ESRRB: variants seen among roughly 807,000 people sequenced by gnomAD.
ESRRB encodes estrogen related receptor beta, also known as steroid hormone receptor ERR2.
Under a neutral mutation model 46.0 loss-of-function variants are expected in ESRRB, and 16 were observed. That is an observed-to-expected ratio of 0.35 (90% CI 0.24 to 0.53). The LOEUF (loss-of-function observed/expected upper bound fraction) is 0.53, where lower values mean the gene tolerates loss of function less well. Ranked by LOEUF, ESRRB falls within the 20% of genes least tolerant of loss-of-function variation. ESRRB has a pLI of 0.93. For synonymous variants in ESRRB, 246 were observed against 259.6 expected (o/e 0.95, Z 0.50); for missense variants, 488 against 607.4 (o/e 0.80, Z 2.07).
chr14:76,441,190 C>G (rs111637333), intron 2 of ESRRB, among the ~76,000 whole-genome samples: 4 of 152,200 alleles, frequency 2.6e-5, no homozygotes, highest in African/African-American at 9.6e-5. Context: ...GTAGCTAGAA[C>G]GACAGTCGCT....
intron 6 of ESRRB, among the ~76,000 whole-genome samples, chr14:76,497,513 T>C (rs1890478760): frequency 6.6e-6 from 1 of 152,204 alleles, no homozygotes; most frequent in African/African-American, 2.4e-5. Flanking sequence ...CCCTAGGTCA[T>C]GGCCTAAGTT....
chr14:76,313,415 A>C (rs1438102362), intron 1 of ESRRB, among the ~76,000 whole-genome samples: 2 of 151,332 alleles, frequency 1.3e-5, no homozygotes, highest in Non-Finnish European at 2.9e-5. Flanking sequence ...GTCATTGTTT[A>C]TTTCTCTGAA....
chr14:76,480,066 C>T (rs900098911), intron 3 of ESRRB, among the ~76,000 whole-genome samples: 2 of 152,068 alleles, frequency 1.3e-5, no homozygotes, highest in Non-Finnish European at 2.9e-5. Flanking sequence ...TGGGGTTTCG[C>T]CATGGTAGCT....
upstream of ESRRB, among the ~76,000 whole-genome samples, chr14:76,368,317 G>A (rs913623011): frequency 2.6e-5 from 4 of 151,908 alleles, no homozygotes; most frequent in Admixed American, 6.6e-5. Flanking sequence ...AGTGTAAAAC[G>A]CCCTCTGTGG....
intron 1 of ESRRB, among the ~76,000 whole-genome samples, chr14:76,434,422 C>A (rs977432160): frequency 6.6e-6 from 1 of 151,956 alleles, no homozygotes; most frequent in African/African-American, 2.4e-5. Context: ...GAGGTAAAGG[C>A]GGGGGATCAC....
At chr14:76,325,930 G>T (rs970015475) in intron 1 of ESRRB, among the ~76,000 whole-genome samples, 2 of 152,156 alleles carry the variant, frequency 1.3e-5, no homozygotes, top group African/African-American at 4.8e-5. Context: ...CGCCTGTGCT[G>T]CACACCCACA....
intron 3 of ESRRB, among the ~76,000 whole-genome samples, chr14:76,465,005 G>A (rs2139996909): frequency 6.6e-6 from 1 of 152,170 alleles, no homozygotes; most frequent in East Asian, 1.9e-4. Flanking sequence ...AGAGCTGGAT[G>A]TGAGAACAGC....
chr14:76,366,523 C>T (rs1464323909), upstream of ESRRB, among the ~76,000 whole-genome samples: 1 of 152,206 alleles, frequency 6.6e-6, no homozygotes, highest in Non-Finnish European at 1.5e-5. Flanking sequence ...TAGACTCTTA[C>T]CCTTTAAGCT....
At chr14:76,363,931 A>G (rs1238059589) in intron 1 of ESRRB, among the ~76,000 whole-genome samples, 1 of 152,134 alleles carries the variant, frequency 6.6e-6, no homozygotes, top group Non-Finnish European at 1.5e-5. Context: ...CAGAGCTTCA[A>G]TTTTCTCCTC....
intron 3 of ESRRB, among the ~76,000 whole-genome samples, chr14:76,469,937 T>TG (rs1889302016): frequency 8.1e-6 from 1 of 123,692 alleles, no homozygotes; most frequent in African/African-American, 3.0e-5. Flanking sequence ...TTGTTTTTTT[T>TG]TTTTTTCTTT....
chr14:76,331,893 A>G (rs551645017), intron 1 of ESRRB, among the ~76,000 whole-genome samples: 13 of 108,624 alleles, frequency 1.2e-4, no homozygotes, highest in Non-Finnish European at 2.4e-4. Context: ...CAAAGAACTG[A>G]GTTAATAGAA....
intron 1 of ESRRB, among the ~76,000 whole-genome samples, chr14:76,317,546 G>C (rs1883816809): frequency 6.6e-6 from 1 of 152,094 alleles, no homozygotes; most frequent in African/African-American, 2.4e-5. Context: ...CCTCCTCATA[G>C]ATTTTCTTTG....
chr14:76,432,407 G>A (rs575769794), intron 1 of ESRRB, among the ~76,000 whole-genome samples: 6 of 152,306 alleles, frequency 3.9e-5, no homozygotes, highest in Non-Finnish European at 5.9e-5. Flanking sequence ...GAACCTTTGC[G>A]TCCCAGATTT....
At chr14:76,481,059 C>T (rs1889787078) in intron 3 of ESRRB, among the ~76,000 whole-genome samples, 1 of 152,240 alleles carries the variant, frequency 6.6e-6, no homozygotes, top group African/African-American at 2.4e-5. Context: ...GCAGAAGTGG[C>T]TTCCAGGCCC....
intron 1 of ESRRB, among the ~76,000 whole-genome samples, chr14:76,377,354 A>G (rs1884816492): frequency 6.6e-6 from 1 of 151,976 alleles, no homozygotes; most frequent in Admixed American, 6.6e-5. Context: ...CACTCTATCC[A>G]CCTACGGTTT....
At chr14:76,462,161 T>TGTG (rs61608653) in intron 2 of ESRRB, among the ~76,000 whole-genome samples, 2,850 of 151,474 alleles carry the variant, frequency 0.019, 34 homozygotes, top group African/African-American at 0.032. Context: ...TGGAGGAGCC[T>TGTG]GTGGTGGTGG....
intron 3 of ESRRB, among the ~76,000 whole-genome samples, chr14:76,468,562 C>T (rs1889227318): frequency 1.3e-5 from 2 of 152,060 alleles, no homozygotes; most frequent in East Asian, 1.9e-4. Flanking sequence ...TGTGCTAAAT[C>T]GTTCTTACTG....
intron 2 of ESRRB, among the ~76,000 whole-genome samples, 182 bp from the exon 3 acceptor site, chr14:76,462,363 T>A (rs1888902874): frequency 6.6e-6 from 1 of 152,186 alleles, no homozygotes; most frequent in South Asian, 2.1e-4. Context: ...ACCTGCCACC[T>A]GGAGTCTCCA....
At chr14:76,425,046 G>C (rs996234077) in intron 1 of ESRRB, among the ~76,000 whole-genome samples, 1 of 152,108 alleles carries the variant, frequency 6.6e-6, no homozygotes, top group Non-Finnish European at 1.5e-5. Context: ...ACTGCGCCTG[G>C]CCTGATGCTC....
Sources: gnomAD v4.1 joint callset for allele counts (sites outside exome capture counted in the v4.1 genomes callset) on GRCh38, gnomAD v4.1.1 for gene constraint, MANE v1.5 for transcripts, NCBI Gene and HGNC (gene_info 2026-07-23, HGNC 2026-07-21) for gene names.